ZNF791: variants seen among roughly 807,000 people sequenced by gnomAD.
ZNF791 encodes the protein zinc finger protein 791.
ZNF791 carries 4 observed loss-of-function variants against 11.5 expected under a neutral mutation model. The observed-to-expected ratio is 0.35, with a 90% confidence interval of 0.17 to 0.80. The LOEUF (loss-of-function observed/expected upper bound fraction) is 0.80. Among genes scored for constraint, ZNF791 ranks in the 30% least tolerant of loss-of-function variants. ZNF791 has a pLI of 0.53. For synonymous variants in ZNF791, 212 were observed against 228.1 expected (o/e 0.93, Z 0.64); for missense variants, 559 against 699.4 (o/e 0.80, Z 2.26).
intron 1 of ZNF791, among the ~76,000 whole-genome samples, chr19:12,611,455 TC>T: frequency 6.6e-6 from 1 of 151,918 alleles, no homozygotes; most frequent in South Asian, 2.1e-4. Context: ...CACTACCCTG[TC>T]CCCCCAGCCT....
At position 12,628,486 on chromosome 19, in the gene ZNF791, AAG is replaced by A; in HGVS notation, c.959_960del (p.Arg320AsnfsTer9). On this transcript the variant is annotated frameshift_variant, in exon 4 of 4. Coordinates refer to ENST00000343325, the MANE Select transcript of ZNF791 (RefSeq NM_153358.3). LOFTEE classifies it low-confidence loss of function (END_TRUNC). ...RCSTSIQIHE[R>X]IHTGEKPYKC... The stretch of plus-strand genomic sequence containing the variant: ...GTTCCACCTCCATTCAAATTCATGA[AAG>A]AATTCATACTGGAGAGAAGCCCTAT... The A allele has an allele frequency of 6.2e-7, 1 of 1,612,598 alleles. No homozygotes were observed. The highest frequency in any genetic ancestry group is 8.5e-7 in the Non-Finnish European group (1 of 1,179,332).
chr19:12,622,076 C>G (rs2145187663), intron 1 of ZNF791, among the ~76,000 whole-genome samples: 1 of 135,702 alleles, frequency 7.4e-6, no homozygotes, highest in African/African-American at 2.6e-5. Context: ...CTCTCTGAAA[C>G]ATGTGCTGTG....
intron 1 of ZNF791, among the ~76,000 whole-genome samples, chr19:12,613,339 TG>T (rs1490151143): frequency 1.3e-5 from 2 of 151,580 alleles, no homozygotes; most frequent in Non-Finnish European, 2.9e-5. Flanking sequence ...CCCAGCACTT[TG>T]GGAGGCCAAG....
Position 12,628,307 on chromosome 19 carries a change from C to T in ZNF791, c.778C>T (p.Leu260=). The T allele has an allele frequency of 1.9e-6, 3 of 1,613,556 alleles. No individual in the cohort carries two copies. Among genetic ancestry groups the T allele is most frequent in the Non-Finnish European group, 2.5e-6 (3 of 1,179,792 alleles). The part of the protein sequence containing the change: ...GKAFISHTSV[L]THMITHNGDR... ...AGCCTTCATTTCCCACACAAGTGTT[C>T]TAACACACATGATAACACACAACGG... Residue 260 remains leucine, a synonymous_variant, in exon 4 of 4, where the codon CTA becomes TTA. Transcript: ENST00000343325.
chr19:12,612,131 G>A (rs2023166890), intron 1 of ZNF791: 1 of 886,390 alleles, frequency 1.1e-6, no homozygotes, highest in Non-Finnish European at 1.4e-6. Flanking sequence ...GCAACATCTA[G>A]AAGCATTCAG....
Position 12,630,471 on chromosome 19 carries a change from C to T in ZNF791, c.*1211C>T, listed in dbSNP as rs2023490212. The stretch of plus-strand genomic sequence containing the variant: ...CTCCGTCTCGAAAAAAAAAAAATTA[C>T]AGCACAGATGTGCAATATATACTTG... On this transcript the variant is annotated 3_prime_UTR_variant, in exon 4 of 4. Coordinates refer to ENST00000343325, the MANE Select transcript of ZNF791 (RefSeq NM_153358.3). 6.6e-6 allele frequency: 1 copy of T among 151,998 alleles called. No individual in the cohort carries two copies. Among genetic ancestry groups the T allele is most frequent in the Admixed American group, 6.6e-5 (1 of 15,244 alleles). The allele number at this position is 151,998 out of a possible 1,614,324, so 9.4% of individuals were successfully genotyped here. A position where few individuals can be genotyped will look rare whatever the true frequency, so the allele number is the denominator to read the frequency against.
intron 1 of ZNF791, 131 bp downstream of exon 1, chr19:12,611,213 C>G: frequency 8.0e-7 from 1 of 1,252,880 alleles, no homozygotes; most frequent in Non-Finnish European, 1.1e-6. Context: ...CCCGTCCCTG[C>G]GCGGCGACTG....
At chr19:12,614,891 C>CCTTTTTTTTTTTTTTT (rs1568285911) in intron 1 of ZNF791, among the ~76,000 whole-genome samples, 1 of 15,226 alleles carries the variant, frequency 6.6e-5, no homozygotes, top group African/African-American at 1.5e-4. Context: ...CTGCGTCCGG[C>CCTTTTTTTTTTTTTTT]CTTTTTTTTT....
At chr19:12,624,775 C>A in intron 3 of ZNF791, 65 bp downstream of exon 3, 2 of 1,261,048 alleles carry the variant, frequency 1.6e-6, no homozygotes, top group Non-Finnish European at 2.2e-6. Context: ...TATGGCCGGG[C>A]ACGGTGGCTC....
rs147859567 is a variant in ZNF791, at chr19:12,629,157, C to G, written c.1628C>G (p.Thr543Arg). The change falls in exon 4 of 4, where the codon ACA (threonine) becomes AGA (arginine). Residue 543 changes from threonine (T) to arginine (R), a missense_variant. Physicochemically the swap from Thr to Arg is moderately conservative, Grantham distance 71 (BLOSUM62 -1). Coordinates refer to ENST00000343325, the MANE Select transcript of ZNF791 (RefSeq NM_153358.3). Reference sequence around the variant, plus strand: ...CTTCACAGTTCCTTTCAAAGACATACAAGAATTCACAATTATGAGAAACCT... The same window carrying G: ...CTTCACAGTTCCTTTCAAAGACATAGAAGAATTCACAATTATGAGAAACCT... ...FSLHSSFQRH[T>R]RIHNYEKPLE... The G allele has an allele frequency of 1.3e-5, 21 of 1,596,066 alleles. No individual in the cohort carries two copies. The highest frequency in any genetic ancestry group is 1.8e-5 in the Non-Finnish European group (21 of 1,172,950).
chr19:12,616,028 C>T (rs971745464), intron 1 of ZNF791, among the ~76,000 whole-genome samples: 7 of 152,136 alleles, frequency 4.6e-5, no homozygotes, highest in African/African-American at 1.4e-4. Context: ...GTAGACATAC[C>T]ATTTTCCATT....
At position 12,628,672 on chromosome 19, in the gene ZNF791, G is replaced by T; in HGVS notation, c.1143G>T (p.Glu381Asp). The change falls in exon 4 of 4, where the codon GAG becomes GAT. Residue 381 changes from glutamate to aspartate, a missense_variant. Glu to Asp is a conservative substitution (Grantham distance 45). Coordinates refer to ENST00000343325, the MANE Select transcript of ZNF791 (RefSeq NM_153358.3). ...FRIHERTHTG[E>D]KPYECKKCGK... ...TACATGAAAGGACTCACACTGGAGA[G>T]AAACCCTACGAATGTAAAAAATGTG... 1.9e-6 allele frequency: 3 copies of T among 1,602,444 alleles called. No homozygotes were observed. The highest frequency in any genetic ancestry group is 2.2e-5 in the East Asian group (1 of 44,776).
rs1286637660 is a variant in ZNF791, at chr19:12,630,646, T to C, written c.*1386T>C. On this transcript the variant is annotated 3_prime_UTR_variant, in exon 4 of 4. Transcript: ENST00000343325. ...GTTATGATAGGCGATGACGGCTCCATGTGCAGGACTGCCCCTGAACGTATT... is the reference window on the plus strand; with the variant it reads ...GTTATGATAGGCGATGACGGCTCCACGTGCAGGACTGCCCCTGAACGTATT... 6.6e-6 allele frequency: 1 copy of C among 152,170 alleles called. No homozygotes were observed. The highest frequency in any genetic ancestry group is 1.5e-5 in the Non-Finnish European group (1 of 68,028). The allele number at this position is 152,170 out of a possible 1,614,324, so 9.4% of individuals were successfully genotyped here.
rs1352387103 is a variant in ZNF791 at position 12,632,373 on chromosome 19, G to A, written c.*3113G>A. 1.3e-5 allele frequency: 2 copies of A among 152,178 alleles called. No individual in the cohort carries two copies. Among genetic ancestry groups the A allele is most frequent in the African/African-American group, 4.8e-5 (2 of 41,520 alleles). 9.4% of individuals were successfully genotyped at this position (152,178 alleles called of 1,614,324 possible). A position where few individuals can be genotyped will look rare whatever the true frequency, so the allele number is the denominator to read the frequency against. On this transcript the variant is annotated 3_prime_UTR_variant, in exon 4 of 4. Transcript: ENST00000343325. The stretch of plus-strand genomic sequence containing the variant: ...TTTTCAGTTGTTCTCTGAATAAAGA[G>A]ATTGTTGAATACTGACACACTGTAA...
At chr19:12,613,843 A>G (rs1452836002) in intron 1 of ZNF791, among the ~76,000 whole-genome samples, 1 of 152,174 alleles carries the variant, frequency 6.6e-6, no homozygotes, top group African/African-American at 2.4e-5. Context: ...CTGAGGATGC[A>G]CAGGCAGATG....
intron 1 of ZNF791, among the ~76,000 whole-genome samples, chr19:12,616,538 A>C (rs1441653258): frequency 2.0e-5 from 3 of 152,162 alleles, no homozygotes; most frequent in Non-Finnish European, 4.4e-5. Context: ...ATCGGAGAAA[A>C]AAAATTAGCC....
rs898574992 is a variant in ZNF791 at position 12,631,755 on chromosome 19, T to A, written c.*2495T>A. On this transcript the variant is annotated 3_prime_UTR_variant, in exon 4 of 4. Coordinates refer to ENST00000343325, the MANE Select transcript of ZNF791 (RefSeq NM_153358.3). Reference sequence around the variant, plus strand: ...CCACACACCAAAAAAAAGTTAAAAATTTTTTATCACTGGCTCATTCTTCAA... The same window carrying A: ...CCACACACCAAAAAAAAGTTAAAAAATTTTTATCACTGGCTCATTCTTCAA... 1.3e-5 allele frequency: 2 copies of A among 151,766 alleles called. No individual in the cohort carries two copies. Among genetic ancestry groups the A allele is most frequent in the African/African-American group, 2.4e-5 (1 of 41,302 alleles). 9.4% of individuals were successfully genotyped at this position (151,766 alleles called of 1,614,324 possible). A position where few individuals can be genotyped will look rare whatever the true frequency, so the allele number is the denominator to read the frequency against.
rs752077717 is a variant in ZNF791, at chr19:12,628,987, T to C, written c.1458T>C (p.His486=). ...AFSCSSYIRI[H]KRTHTGEKPY... ...GTTGTTCTAGTTACATTCGGATACA[T>C]AAAAGAACTCACACTGGGGAGAAAC... The change falls in exon 4 of 4, where the codon CAT becomes CAC. Residue 486 remains histidine (H), a synonymous_variant. Transcript: ENST00000343325. 8.1e-6 allele frequency: 13 copies of C among 1,613,890 alleles called. No homozygotes were observed. Among genetic ancestry groups the C allele is most frequent in the African/African-American group, 2.7e-5 (2 of 74,910 alleles).
At chr19:12,618,292 A>T (rs1297206630) in intron 1 of ZNF791, among the ~76,000 whole-genome samples, 2 of 152,064 alleles carry the variant, frequency 1.3e-5, no homozygotes, top group Non-Finnish European at 2.9e-5. Context: ...GTATTAATGG[A>T]ATTACACTTA....
Sources: allele counts gnomAD v4.1 joint callset (sites outside exome capture counted in the v4.1 genomes callset), GRCh38; gene constraint gnomAD v4.1.1; transcripts MANE v1.5; gene names NCBI Gene and HGNC (gene_info 2026-07-23, HGNC 2026-07-21).